MYRIP: variants seen among roughly 807,000 people sequenced by gnomAD.
MYRIP encodes the protein rab effector MyRIP.
MYRIP carries 49 observed loss-of-function variants against 98.0 expected under a neutral mutation model. That is an observed-to-expected ratio of 0.50 (90% CI 0.40 to 0.63). MYRIP has a LOEUF of 0.63. MYRIP is among the 30% of genes least tolerant of loss of function. The pLI, the probability that MYRIP is intolerant of heterozygous loss-of-function variation, is 0.00. For synonymous variants in MYRIP, 404 were observed against 409.5 expected, an observed-to-expected ratio of 0.99 and a Z score of 0.16; for missense variants, 1,004 against 1,058.2, an observed-to-expected ratio of 0.95 and a Z score of 0.71.
intron 2 of MYRIP, among the ~76,000 whole-genome samples, chr3:39,990,471 T>A (rs895111565): frequency 1.3e-5 from 2 of 152,216 alleles, no homozygotes; most frequent in African/African-American, 4.8e-5. Flanking sequence ...TTTTCTTATC[T>A]GAACAATAAA....
At chr3:40,238,474 G>A (rs13080985) in intron 12 of MYRIP, 5,020 of 152,268 alleles carry the variant, frequency 0.033, 100 homozygotes, top group South Asian at 0.055. Context: ...ATTGTGCTGG[G>A]GAACCTAGGG....
chr3:39,822,455 ATT>A (rs367849683), intron 1 of MYRIP, among the ~76,000 whole-genome samples: 1 of 150,148 alleles, frequency 6.7e-6, no homozygotes, highest in Admixed American at 6.6e-5. Flanking sequence ...ACATTATGAG[ATT>A]TTTTTTTGCG....
At chr3:39,953,653 G>A (rs1195824944) in intron 2 of MYRIP, among the ~76,000 whole-genome samples, 3 of 152,136 alleles carry the variant, frequency 2.0e-5, no homozygotes, top group African/African-American at 7.2e-5. Flanking sequence ...TTCCAACTGA[G>A]GTACTGGGTT....
chr3:39,985,809 A>C (rs923792660), intron 2 of MYRIP, among the ~76,000 whole-genome samples: 10 of 152,156 alleles, frequency 6.6e-5, no homozygotes, highest in African/African-American at 2.2e-4. Context: ...AAATCAATTC[A>C]AGATGGATTA....
rs1559393573 is a variant in MYRIP, at chr3:40,084,295, A to ATATAATACACATCTATGTATTATATATC, written c.332+40025_332+40052dup. Reference sequence around the variant, plus strand: ...ACACATCTATGTATTATATATCGATATATAATACACATCTATGTATTATAT... The same window carrying ATATAATACACATCTATGTATTATATATC: ...ACACATCTATGTATTATATATCGATATATAATACACATCTATGTATTATATATCTATAATACACATCTATGTATTATAT... On this transcript the variant is annotated intron_variant, in intron 3 of 16. Coordinates refer to ENST00000302541, the MANE Select transcript of MYRIP (RefSeq NM_015460.4). 4.9e-3 allele frequency among the ~76,000 whole-genome samples: 417 copies of ATATAATACACATCTATGTATTATATATC among 85,612 alleles called. 1 individual carries two copies. Among genetic ancestry groups the ATATAATACACATCTATGTATTATATATC allele is most frequent in the Non-Finnish European group, 5.6e-3 (242 of 42,834 alleles). The allele number at this position is 85,612 out of a possible 152,430, so 56.2% of individuals were successfully genotyped here.
chr3:39,896,509 A>G (rs1006019765), intron 1 of MYRIP, among the ~76,000 whole-genome samples: 1 of 152,202 alleles, frequency 6.6e-6, no homozygotes, highest in Non-Finnish European at 1.5e-5. Context: ...TTTGCAGGCC[A>G]AGTTCATTTT....
intron 10 of MYRIP, among the ~76,000 whole-genome samples, chr3:40,196,283 T>G (rs1951392317): frequency 1.3e-5 from 2 of 152,164 alleles, no homozygotes; most frequent in African/African-American, 4.8e-5. Context: ...TCTTTTTACT[T>G]TCTTGTTTTC....
intron 2 of MYRIP, among the ~76,000 whole-genome samples, chr3:40,003,581 G>GA (rs1302355664): frequency 6.6e-6 from 1 of 151,794 alleles, no homozygotes; most frequent in South Asian, 2.1e-4. Flanking sequence ...AGGGTGAGAA[G>GA]AAAAAAAATG....
At chr3:39,984,113 T>C (rs1360925084) in intron 2 of MYRIP, among the ~76,000 whole-genome samples, 1 of 152,088 alleles carries the variant, frequency 6.6e-6, no homozygotes, top group Non-Finnish European at 1.5e-5. Context: ...AAATGGTGAG[T>C]GGTTGTGGGG....
chr3:39,944,846 T>C (rs1158586893), intron 2 of MYRIP, among the ~76,000 whole-genome samples: 1 of 152,114 alleles, frequency 6.6e-6, no homozygotes, highest in East Asian at 1.9e-4. Context: ...TACTTCTAAG[T>C]AGGGTACCAA....
intron 3 of MYRIP, among the ~76,000 whole-genome samples, chr3:40,073,357 T>A (rs901489661): frequency 2.6e-5 from 4 of 152,244 alleles, no homozygotes; most frequent in Admixed American, 2.0e-4. Context: ...CCAAGAGTTC[T>A]GCACTGCGGG....
rs9872075 is a variant in MYRIP at position 40,135,751 on chromosome 3, T to G, written c.333-15297T>G. 7.7e-3 allele frequency among the ~76,000 whole-genome samples: 1,171 copies of G among 152,302 alleles called. 15 individuals carry two copies. The highest frequency in any genetic ancestry group is 0.027 in the African/African-American group (1,117 of 41,556). On this transcript the variant is annotated intron_variant, in intron 3 of 16. Transcript: ENST00000302541. ...ATTCAACATTCTTAAAGAAAAGAAT[T>G]TTCAACCCAGAATTTCATATCCAGC...
At chr3:40,251,297 A>C (rs1028120312) in intron 15 of MYRIP, among the ~76,000 whole-genome samples, 21 of 152,274 alleles carry the variant, frequency 1.4e-4, no homozygotes, top group African/African-American at 4.8e-4. Context: ...AACTGTATGC[A>C]GTTAAAATTT....
intron 3 of MYRIP, among the ~76,000 whole-genome samples, chr3:40,089,684 A>G (rs1179214730): frequency 1.3e-5 from 2 of 152,242 alleles, no homozygotes; most frequent in Non-Finnish European, 2.9e-5. Flanking sequence ...TTACAGAAAT[A>G]TTATCATAAA....
chr3:39,900,750 G>C, intron 1 of MYRIP, 37 bp from the exon 2 acceptor site: 1 of 1,143,312 alleles, frequency 8.7e-7, no homozygotes, highest in Non-Finnish European at 1.3e-6. Flanking sequence ...TGTCCATGTA[G>C]AGATTTTATC....
intron 2 of MYRIP, among the ~76,000 whole-genome samples, chr3:39,991,318 G>C (rs980555723): frequency 3.3e-5 from 5 of 152,162 alleles, no homozygotes; most frequent in South Asian, 2.1e-4. Flanking sequence ...TGGAAATGTA[G>C]AGAGATCTCT....
At chr3:40,128,847 A>G (rs1355055084) in intron 3 of MYRIP, among the ~76,000 whole-genome samples, 1 of 152,200 alleles carries the variant, frequency 6.6e-6, no homozygotes, top group African/African-American at 2.4e-5. Flanking sequence ...TCTTTTACCA[A>G]CAAAGGAATG....
At chr3:40,206,445 C>T (rs1010486851) in intron 10 of MYRIP, among the ~76,000 whole-genome samples, 1 of 152,108 alleles carries the variant, frequency 6.6e-6, no homozygotes, top group African/African-American at 2.4e-5. Flanking sequence ...ACTCAAGAAC[C>T]ATCACTTAGC....
At chr3:39,970,329 G>A (rs1440532289) in intron 2 of MYRIP, 5 of 151,988 alleles carry the variant, frequency 3.3e-5, no homozygotes, top group Non-Finnish European at 7.4e-5. Context: ...TATTATAATT[G>A]TCACAACTGC....
Sources: allele counts gnomAD v4.1 joint callset (sites outside exome capture counted in the v4.1 genomes callset), GRCh38; gene constraint gnomAD v4.1.1; transcripts MANE v1.5; gene names NCBI Gene and HGNC (gene_info 2026-07-23, HGNC 2026-07-21).